CDH18: variants seen among roughly 807,000 people sequenced by gnomAD.
CDH18 encodes the protein cadherin-18.
CDH18 carries 31 observed loss-of-function variants against 67.9 expected under a neutral mutation model. That is an observed-to-expected ratio of 0.46 (90% CI 0.34 to 0.62). CDH18 has a LOEUF of 0.62. Among genes scored for constraint, CDH18 ranks in the 20% least tolerant of loss-of-function variants. The probability of loss-of-function intolerance (pLI) is 0.01; values close to 1 mark genes in which losing one functional copy is unlikely to be tolerated. For missense variants in CDH18, 890 were observed against 975.5 expected, an observed-to-expected ratio of 0.91 and a Z score of 1.17; for synonymous variants, 362 against 347.2, an observed-to-expected ratio of 1.04 and a Z score of -0.48.
intron 1 of CDH18, among the ~76,000 whole-genome samples, chr5:20,298,834 C>T (rs1747737264): frequency 2.0e-5 from 3 of 151,732 alleles, no homozygotes; most frequent in South Asian, 2.1e-4. Flanking sequence ...GAAGGTGAAA[C>T]GTTAGTTATG....
At chr5:20,148,348 T>C (rs190708157) in intron 2 of CDH18, among the ~76,000 whole-genome samples, 4,928 of 152,170 alleles carry the variant, frequency 0.032, 110 homozygotes, top group Admixed American at 0.052. Context: ...CCGCCCGCCT[T>C]GGCCTCCCAA....
rs540812637 is a variant in CDH18 at position 19,586,992 on chromosome 5, T to G, written c.999+4065A>C. On this transcript the variant is annotated intron_variant, in intron 7 of 12. Coordinates refer to ENST00000382275, the MANE Select transcript of CDH18 (RefSeq NM_004934.5). ...AGCTTTTTTTCATATGTTTGTTGAC[T>G]GCATAAATGTCTTCTTTTGGGAAGT... is the stretch of plus-strand genomic sequence containing the variant. Among the ~76,000 whole-genome samples the G allele has an allele frequency of 2.4e-4, 37 of 152,302 alleles. 1 individual carries two copies. The highest frequency in any genetic ancestry group is 7.5e-4 in the African/African-American group (31 of 41,582).
chr5:19,950,148 G>A (rs914440718), intron 2 of CDH18, among the ~76,000 whole-genome samples: 2 of 151,718 alleles, frequency 1.3e-5, no homozygotes, highest in Non-Finnish European at 2.9e-5. Flanking sequence ...TGGAATAAAT[G>A]TGATACACAC....
At chr5:19,486,414 A>G (rs1336435300) in intron 11 of CDH18, among the ~76,000 whole-genome samples, 4 of 152,048 alleles carry the variant, frequency 2.6e-5, no homozygotes, top group African/African-American at 9.7e-5. Flanking sequence ...TATATATCAG[A>G]CACAATAAAA....
chr5:19,479,246 CAAG>C (rs1039974846), intron 12 of CDH18, among the ~76,000 whole-genome samples: 1 of 152,042 alleles, frequency 6.6e-6, no homozygotes, highest in African/African-American at 2.4e-5. Flanking sequence ...TTTTCACAAA[CAAG>C]AAGCTGAGAG....
chr5:19,586,618 T>C (rs1447694866), intron 7 of CDH18, among the ~76,000 whole-genome samples: 1 of 152,180 alleles, frequency 6.6e-6, no homozygotes, highest in East Asian at 1.9e-4. Context: ...TTGATGAACA[T>C]TTAGGTTGAT....
At chr5:19,694,069 C>A (rs1446144631) in intron 5 of CDH18, among the ~76,000 whole-genome samples, 1 of 151,952 alleles carries the variant, frequency 6.6e-6, no homozygotes, top group Non-Finnish European at 1.5e-5. Context: ...TGTGTGTGCA[C>A]GTATATACAC....
chr5:19,737,284 A>G (rs990671090), intron 4 of CDH18, among the ~76,000 whole-genome samples: 25 of 152,026 alleles, frequency 1.6e-4, no homozygotes, highest in African/African-American at 6.0e-4. Flanking sequence ...GTATCTTCTC[A>G]CTATATCTGA....
chr5:19,905,612 A>G (rs555258762), intron 2 of CDH18, among the ~76,000 whole-genome samples: 1 of 152,118 alleles, frequency 6.6e-6, no homozygotes, highest in Non-Finnish European at 1.5e-5. Flanking sequence ...GGTAAGCTAA[A>G]AAATATGATG....
chr5:19,750,015 G>C (rs1318598743), intron 3 of CDH18, among the ~76,000 whole-genome samples: 1 of 151,780 alleles, frequency 6.6e-6, no homozygotes, highest in Non-Finnish European at 1.5e-5. Flanking sequence ...CGATTACATT[G>C]CTTTCTAAGA....
At chr5:19,771,519 C>T (rs1292382943) in intron 3 of CDH18, among the ~76,000 whole-genome samples, 1 of 152,144 alleles carries the variant, frequency 6.6e-6, no homozygotes, top group Non-Finnish European at 1.5e-5. Context: ...AAAATTTTGT[C>T]TTGAAATGAT....
At chr5:19,694,706 G>A (rs1762324773) in intron 5 of CDH18, among the ~76,000 whole-genome samples, 1 of 151,000 alleles carries the variant, frequency 6.6e-6, no homozygotes, top group South Asian at 2.1e-4. Flanking sequence ...TGTTCCTATT[G>A]TCTCCTGGAG....
chr5:19,711,538 G>T (rs1764706592), intron 5 of CDH18, among the ~76,000 whole-genome samples: 1 of 151,290 alleles, frequency 6.6e-6, no homozygotes, highest in Non-Finnish European at 1.5e-5. Flanking sequence ...GACACAAATG[G>T]CTATCAAGCA....
intron 3 of CDH18, among the ~76,000 whole-genome samples, chr5:19,836,621 C>A (rs929725065): frequency 2.0e-5 from 3 of 152,134 alleles, no homozygotes; most frequent in Non-Finnish European, 4.4e-5. Flanking sequence ...TTTAGGTTGC[C>A]TGTTCACTCT....
At chr5:19,774,399 T>G (rs1246337567) in intron 3 of CDH18, among the ~76,000 whole-genome samples, 2 of 31,396 alleles carry the variant, frequency 6.4e-5, no homozygotes, top group African/African-American at 1.3e-4. Context: ...GGCAAAAAAC[T>G]GAAACCTTGT....
chr5:20,073,752 T>G (rs1743690663), intron 2 of CDH18, among the ~76,000 whole-genome samples: 1 of 151,592 alleles, frequency 6.6e-6, no homozygotes, highest in African/African-American at 2.4e-5. Flanking sequence ...ACAAGGAAAA[T>G]AAGAAAATTT....
At chr5:20,092,518 A>G (rs987603220) in intron 2 of CDH18, among the ~76,000 whole-genome samples, 2 of 152,232 alleles carry the variant, frequency 1.3e-5, no homozygotes, top group African/African-American at 4.8e-5. Context: ...TAAGTGTTTT[A>G]GCACTTAATA....
At chr5:20,072,306 C>T (rs938358649) in intron 2 of CDH18, among the ~76,000 whole-genome samples, 1 of 151,992 alleles carries the variant, frequency 6.6e-6, no homozygotes, top group Non-Finnish European at 1.5e-5. Flanking sequence ...GTTTCTTTTG[C>T]CCAACTAAAA....
chr5:19,775,876 CAT>C (rs1156577327), intron 3 of CDH18, among the ~76,000 whole-genome samples: 1 of 152,070 alleles, frequency 6.6e-6, no homozygotes, highest in African/African-American at 2.4e-5. Context: ...GTTGAGAACT[CAT>C]AAGCTAGAGT....
Sources: allele counts gnomAD v4.1 joint callset (sites outside exome capture counted in the v4.1 genomes callset), GRCh38; gene constraint gnomAD v4.1.1; transcripts MANE v1.5; gene names NCBI Gene and HGNC (gene_info 2026-07-23, HGNC 2026-07-21).